Variants in NEK11 observed in about 807,000 individuals in gnomAD.
NEK11 encodes NIMA related kinase 11.
Under a neutral mutation model 80.7 loss-of-function variants are expected in NEK11, and 72 were observed. The observed-to-expected ratio is 0.89, with a 90% CI of 0.74 to 1.08. The LOEUF is 1.08. Among genes scored for constraint, NEK11 ranks in the 50% least tolerant of loss-of-function variants. NEK11 has a pLI of 0.00. For synonymous variants in NEK11, 251 were observed against 260.7 expected (o/e 0.96, Z 0.36); for missense variants, 764 against 763.6 (o/e 1.00, Z -0.01).
chr3:131,180,579 C>A (rs1290041839), intron 14 of NEK11, among the ~76,000 whole-genome samples: 1 of 152,118 alleles, frequency 6.6e-6, no homozygotes, highest in Admixed American at 6.5e-5. Context: ...AAGGAATGAG[C>A]TATAAATCCC....
At chr3:131,184,943 T>C (rs1462804962) in intron 14 of NEK11, among the ~76,000 whole-genome samples, 3 of 152,172 alleles carry the variant, frequency 2.0e-5, no homozygotes, top group African/African-American at 7.2e-5. Flanking sequence ...TGGCCAGCCA[T>C]CCTTTAATAG....
chr3:131,182,600 C>G (rs2093415342), intron 14 of NEK11, among the ~76,000 whole-genome samples: 1 of 152,172 alleles, frequency 6.6e-6, no homozygotes, highest in South Asian at 2.1e-4. Flanking sequence ...TCCTTTCCTG[C>G]TAACCCCTTC....
At chr3:131,090,497 C>A (rs574816679) in intron 4 of NEK11, among the ~76,000 whole-genome samples, 1 of 152,178 alleles carries the variant, frequency 6.6e-6, no homozygotes, top group Non-Finnish European at 1.5e-5. Context: ...TTAAATATTT[C>A]TCAAGGACAA....
chr3:131,324,769 C>T (rs2096939969), intron 17 of NEK11, among the ~76,000 whole-genome samples: 1 of 152,126 alleles, frequency 6.6e-6, no homozygotes, highest in Non-Finnish European at 1.5e-5. Context: ...TATCTGCTTC[C>T]CCCGATAGCC....
intron 14 of NEK11, among the ~76,000 whole-genome samples, chr3:131,217,577 A>C (rs1189143308): frequency 6.6e-6 from 1 of 152,198 alleles, no homozygotes; most frequent in Non-Finnish European, 1.5e-5. Context: ...GTACTCCCAC[A>C]AACCTAGATG....
intron 1 of NEK11, chr3:131,027,325 C>T (rs1298624158): frequency 6.6e-6 from 1 of 152,002 alleles, no homozygotes; most frequent in Non-Finnish European, 1.5e-5. Context: ...CTCTTATTAC[C>T]TGGGAAGATA....
intron 17 of NEK11, among the ~76,000 whole-genome samples, chr3:131,335,970 G>T (rs1016485781): frequency 6.6e-6 from 1 of 152,150 alleles, no homozygotes; most frequent in East Asian, 1.9e-4. Flanking sequence ...AATAAAAGAG[G>T]ATACAAAGAA....
intron 3 of NEK11, among the ~76,000 whole-genome samples, chr3:131,078,734 T>TA (rs1256617191): frequency 6.6e-6 from 1 of 152,012 alleles, no homozygotes; most frequent in African/African-American, 2.4e-5. Context: ...GGTACTTGGT[T>TA]AAAAAAAGGA....
At chr3:131,184,320 G>T (rs139657023) in intron 14 of NEK11, among the ~76,000 whole-genome samples, 2 of 151,996 alleles carry the variant, frequency 1.3e-5, no homozygotes, top group African/African-American at 4.8e-5. Flanking sequence ...GCAGAATCTC[G>T]GACTCACTTC....
At chr3:131,166,815 A>C (rs1386761284) in intron 12 of NEK11, among the ~76,000 whole-genome samples, 1 of 152,128 alleles carries the variant, frequency 6.6e-6, no homozygotes, top group Non-Finnish European at 1.5e-5. Context: ...AAAGGTCTTG[A>C]TGCCACCACT....
At chr3:131,268,224 T>A (rs1040029137) in intron 16 of NEK11, among the ~76,000 whole-genome samples, 8 of 152,216 alleles carry the variant, frequency 5.3e-5, no homozygotes, top group Admixed American at 4.6e-4. Context: ...CATGCTTTTT[T>A]AGCTCAGAGG....
At chr3:131,140,507 T>C (rs984925916) in intron 7 of NEK11, among the ~76,000 whole-genome samples, 1 of 152,158 alleles carries the variant, frequency 6.6e-6, no homozygotes, top group Non-Finnish European at 1.5e-5. Context: ...AGATTCATGA[T>C]CAAAATGACT....
chr3:131,173,946 G>A (rs1183321476), intron 14 of NEK11, among the ~76,000 whole-genome samples: 1 of 152,098 alleles, frequency 6.6e-6, no homozygotes, highest in Non-Finnish European at 1.5e-5. Context: ...TAAACTATCA[G>A]ATTAGAAAAA....
chr3:131,316,906 G>A (rs931670570), intron 17 of NEK11, among the ~76,000 whole-genome samples: 11 of 152,090 alleles, frequency 7.2e-5, no homozygotes, highest in African/African-American at 2.7e-4. Flanking sequence ...AAAGCATATA[G>A]GAACAATCCT....
chr3:131,149,207 A>G (rs1422175705), intron 7 of NEK11, among the ~76,000 whole-genome samples: 2 of 151,960 alleles, frequency 1.3e-5, no homozygotes, highest in African/African-American at 4.8e-5. Flanking sequence ...ATGTGTAGTC[A>G]ATGTTTAGCT....
At chr3:131,285,640 G>C (rs2096461251) in intron 17 of NEK11, among the ~76,000 whole-genome samples, 1 of 152,188 alleles carries the variant, frequency 6.6e-6, no homozygotes, top group Admixed American at 6.5e-5. Context: ...TTTCTCAAGA[G>C]CAAAACAAAC....
chr3:131,189,460 G>A (rs945423970), intron 14 of NEK11, among the ~76,000 whole-genome samples: 1 of 152,190 alleles, frequency 6.6e-6, no homozygotes, highest in Non-Finnish European at 1.5e-5. Flanking sequence ...GTTCATAGAT[G>A]ATGACTTCTC....
At chr3:131,196,205 A>C (rs1057211121) in intron 14 of NEK11, among the ~76,000 whole-genome samples, 1 of 152,186 alleles carries the variant, frequency 6.6e-6, no homozygotes, top group Non-Finnish European at 1.5e-5. Flanking sequence ...GAGCAAAGTA[A>C]AGAATCCAGA....
intron 16 of NEK11, among the ~76,000 whole-genome samples, chr3:131,259,211 ATCT>A (rs1344690953): frequency 6.6e-6 from 1 of 152,102 alleles, no homozygotes. Flanking sequence ...CTCCTAGACC[ATCT>A]TCTTCCTTTT....
Sources: gnomAD v4.1 joint callset for allele counts (sites outside exome capture counted in the v4.1 genomes callset) on GRCh38, gnomAD v4.1.1 for gene constraint, MANE v1.5 for transcripts, NCBI Gene and HGNC (gene_info 2026-07-23, HGNC 2026-07-21) for gene names.